Variants in C2CD3 observed in about 807,000 individuals in gnomAD.
The protein encoded by C2CD3 is C2 domain-containing protein 3.
A neutral mutation model predicts 234.0 loss-of-function variants in C2CD3; 148 were observed. That is an observed-to-expected ratio of 0.63 (90% CI 0.55 to 0.72). C2CD3 has a LOEUF of 0.72. Ranked by LOEUF, C2CD3 falls within the 30% of genes least tolerant of loss-of-function variation. C2CD3 has a pLI of 0.00. For missense variants in C2CD3, 2,577 were observed against 2,811.5 expected, an observed-to-expected ratio of 0.92 and a Z score of 1.89; for synonymous variants, 1,000 against 1,035.4, an observed-to-expected ratio of 0.97 and a Z score of 0.66.
Position 74,166,718 on chromosome 11 carries a change from T to C in C2CD3, c.325+1626A>G, listed in dbSNP as rs146056221. Reference sequence around the variant, plus strand: ...GTATGTCAGTTTTGTTTTCAACTAATCTTTAAGTTCCTTTTGGGCAGGGAA... The same window carrying C: ...GTATGTCAGTTTTGTTTTCAACTAACCTTTAAGTTCCTTTTGGGCAGGGAA... On this transcript the variant is annotated intron_variant, in intron 2 of 32. Coordinates refer to ENST00000334126, the MANE Select transcript of C2CD3 (RefSeq NM_001286577.2). Among the ~76,000 whole-genome samples the C allele has an allele frequency of 5.9e-4, 90 of 152,342 alleles. 1 individual carries two copies. Among genetic ancestry groups the C allele is most frequent in the African/African-American group, 2.1e-3 (86 of 41,574 alleles).
intron 3 of C2CD3, among the ~76,000 whole-genome samples, chr11:74,159,633 T>G (rs568671351): frequency 1.4e-5 from 2 of 147,740 alleles, no homozygotes; most frequent in Admixed American, 6.6e-5. Flanking sequence ...TGTGTTTTAA[T>G]TGTTATTACA....
At chr11:74,144,956 G>A (rs1179521897) in intron 3 of C2CD3, among the ~76,000 whole-genome samples, 5 of 151,728 alleles carry the variant, frequency 3.3e-5, no homozygotes, top group African/African-American at 7.2e-5. Context: ...TAGTCCTTTG[G>A]GTATGTACCC....
Position 74,013,498 on chromosome 11 carries a change from G to A in C2CD3, c.6949C>T (p.Leu2317Phe). ...QDKSEATRGA[L>F]SQRPCRPRPN... Reference sequence around the variant, plus strand: ...CTGGGGCGACAAGGCCTTTGGGAGAGAGCTCCCCTGGTGGCTTCGCTCTTG... The same window carrying A: ...CTGGGGCGACAAGGCCTTTGGGAGAAAGCTCCCCTGGTGGCTTCGCTCTTG... The change falls in exon 33 of 33, where the codon CTC becomes TTC. Residue 2317 changes from leucine (L) to phenylalanine (F), a missense_variant. Leu to Phe is a conservative substitution (Grantham distance 22, BLOSUM62 0). Coordinates refer to ENST00000334126, the MANE Select transcript of C2CD3 (RefSeq NM_001286577.2). The A allele has an allele frequency of 3.6e-6, 5 of 1,385,184 alleles. No individual in the cohort carries two copies. Among genetic ancestry groups the A allele is most frequent in the Non-Finnish European group, 4.7e-6 (5 of 1,074,374 alleles). The allele number at this position is 1,385,184 out of a possible 1,614,324, so 85.8% of individuals were successfully genotyped here.
At chr11:74,074,936 T>C (rs886746911) in intron 23 of C2CD3, among the ~76,000 whole-genome samples, 5 of 150,870 alleles carry the variant, frequency 3.3e-5, no homozygotes, top group Non-Finnish European at 7.4e-5. Flanking sequence ...ACACAAAAAT[T>C]AGCTGAGCAT....
chr11:74,152,974 C>G (rs1165328756), intron 3 of C2CD3, among the ~76,000 whole-genome samples: 1 of 152,118 alleles, frequency 6.6e-6, no homozygotes, highest in African/African-American at 2.4e-5. Flanking sequence ...TCCTCTAATT[C>G]CAGCACTTTG....
In C2CD3 at chr11:74,057,393, G is replaced by A. The variant is rs376710307; in HGVS notation, c.5090+13C>T. On this transcript the variant is annotated intron_variant, in intron 25 of 32. Transcript: ENST00000334126. ...AGATTCTGGAAGGCTGACGAATAAC[G>A]GATAACACAAACCTTGACTGCTGTT... 182 of 1,613,956 alleles carry A rather than the reference G, an allele frequency of 1.1e-4. No individual in the cohort carries two copies. The African/African-American group carries it at 1.9e-3, about 17-fold the overall frequency.
chr11:74,030,487 C>T (rs988728407), intron 31 of C2CD3, among the ~76,000 whole-genome samples: 5 of 152,186 alleles, frequency 3.3e-5, no homozygotes, highest in Admixed American at 6.5e-5. Context: ...CTGTGTGCAG[C>T]GTCAGTGCTG....
At chr11:74,121,003 A>T (rs994477679) in intron 8 of C2CD3, among the ~76,000 whole-genome samples, 10 of 151,922 alleles carry the variant, frequency 6.6e-5, no homozygotes, top group African/African-American at 2.2e-4. Flanking sequence ...CAGAAAAAAA[A>T]AAAAAAGAGC....
chr11:74,137,038 T>A (rs1320676067), intron 5 of C2CD3, among the ~76,000 whole-genome samples: 3 of 151,640 alleles, frequency 2.0e-5, no homozygotes, highest in Non-Finnish European at 4.4e-5. Flanking sequence ...TGCTTTTTTT[T>A]TTTTTTAGAG....
intron 32 of C2CD3, among the ~76,000 whole-genome samples, chr11:74,026,310 G>GA (rs560915511): frequency 3.9e-4 from 56 of 144,084 alleles, no homozygotes; most frequent in African/African-American, 6.8e-4. Context: ...CTGTCTCAAG[G>GA]AAAAAAAAAA....
chr11:74,123,708 CT>C (rs397939576), intron 7 of C2CD3, among the ~76,000 whole-genome samples: 34 of 142,628 alleles, frequency 2.4e-4, no homozygotes, highest in South Asian at 6.8e-4. Context: ...ACAAATACTC[CT>C]TTTTTTTTTG....
chr11:74,144,168 T>C (rs1855001473), intron 3 of C2CD3, among the ~76,000 whole-genome samples: 1 of 152,214 alleles, frequency 6.6e-6, no homozygotes, highest in Admixed American at 6.5e-5. Context: ...TATTTCTTTG[T>C]GGAAGAGAAT....
At chr11:74,027,676 T>G (rs139470922) in intron 32 of C2CD3, among the ~76,000 whole-genome samples, 131 of 152,346 alleles carry the variant, frequency 8.6e-4, no homozygotes, top group African/African-American at 2.9e-3. Context: ...TACTACTATA[T>G]GCTCAGTATC....
At chr11:74,136,654 C>T (rs11601582) in intron 5 of C2CD3, among the ~76,000 whole-genome samples, 43,035 of 152,002 alleles carry the variant, frequency 0.28, 7,097 homozygotes, top group African/African-American at 0.46. Context: ...AGCACATAAT[C>T]AGTGCTCAAT....
intron 3 of C2CD3, among the ~76,000 whole-genome samples, chr11:74,148,829 T>G (rs1225370804): frequency 6.6e-6 from 1 of 152,192 alleles, no homozygotes; most frequent in Admixed American, 6.5e-5. Flanking sequence ...GATCCCATGG[T>G]TAGTCAACTC....
Position 74,054,674 on chromosome 11 carries a change from A to G in C2CD3, c.5091-3T>C, listed in dbSNP as rs1449347754. ...CCAGAAGCAGCTCTTTTGATAGCCT[A>G]TTAAGAAAAACAACCACTGTAAACT... On this transcript the variant is annotated splice_polypyrimidine_tract_variant and splice_region_variant and intron_variant, in intron 25 of 32. Coordinates refer to ENST00000334126, the MANE Select transcript of C2CD3 (RefSeq NM_001286577.2). The G allele has an allele frequency of 1.9e-6, 3 of 1,606,928 alleles. No individual in the cohort carries two copies. The highest frequency in any genetic ancestry group is 2.6e-6 in the Non-Finnish European group (3 of 1,175,842).
intron 31 of C2CD3, among the ~76,000 whole-genome samples, chr11:74,030,654 T>G (rs1454897473): frequency 1.3e-5 from 2 of 152,204 alleles, no homozygotes; most frequent in African/African-American, 2.4e-5. Flanking sequence ...TGCCTCTGTG[T>G]GTTTGGTTCC....
chr11:74,038,208 G>A (rs906477520), intron 29 of C2CD3, among the ~76,000 whole-genome samples: 1 of 152,096 alleles, frequency 6.6e-6, no homozygotes, highest in Non-Finnish European at 1.5e-5. Flanking sequence ...CCTGATGTAC[G>A]GTCAGCTCTG....
At chr11:74,029,166 CA>C (rs1268683403) in intron 31 of C2CD3, among the ~76,000 whole-genome samples, 1 of 152,170 alleles carries the variant, frequency 6.6e-6, no homozygotes, top group East Asian at 1.9e-4. Flanking sequence ...TGGTGTTCTA[CA>C]GGTATTTTTT....
Sources: allele counts gnomAD v4.1 joint callset (sites outside exome capture counted in the v4.1 genomes callset), GRCh38; gene constraint gnomAD v4.1.1; transcripts MANE v1.5; gene names NCBI Gene and HGNC (gene_info 2026-07-23, HGNC 2026-07-21).